Variants in RHOJ observed in about 807,000 individuals in gnomAD.
The protein encoded by RHOJ is ras homolog family member J.
A neutral mutation model predicts 23.4 loss-of-function variants in RHOJ; 11 were observed. That is an observed-to-expected ratio of 0.47 (90% CI 0.30 to 0.78). RHOJ has a LOEUF of 0.78. Ranked by LOEUF, RHOJ falls within the 30% of genes least tolerant of loss-of-function variation. RHOJ has a pLI of 0.08. For missense variants in RHOJ, 254 were observed against 273.4 expected (o/e 0.93, Z 0.50); for synonymous variants, 102 against 102.7 (o/e 0.99, Z 0.04).
intron 1 of RHOJ, among the ~76,000 whole-genome samples, chr14:63,216,264 G>A (rs1363460450): frequency 3.3e-5 from 5 of 152,106 alleles, no homozygotes; most frequent in African/African-American, 1.2e-4. Flanking sequence ...ATATCCTAGA[G>A]GCAAAGGGAA....
chr14:63,285,252 A>G (rs1036639448), intron 4 of RHOJ, among the ~76,000 whole-genome samples: 4 of 152,212 alleles, frequency 2.6e-5, no homozygotes, highest in Non-Finnish European at 5.9e-5. Context: ...TGAGGCTCAG[A>G]GAGGTTAAGA....
Position 63,204,954 on chromosome 14 carries a change from G to C in RHOJ, c.85G>C (p.Asp29His). Residue 29 changes from aspartate to histidine, a missense_variant, in exon 1 of 5, where the codon GAC becomes CAC. By Grantham distance (81) the Asp-to-His change is moderately conservative. Coordinates refer to ENST00000316754, the MANE Select transcript of RHOJ (RefSeq NM_020663.5). ...KKMLKCVVVG[D>H]GAVGKTCLLM... ...GATGTTGAAGTGTGTGGTGGTGGGG[G>C]ACGGTGCCGTGGGGAAAACCTGCCT... 1 of 1,614,238 alleles carries C rather than the reference G, an allele frequency of 6.2e-7. No homozygotes were observed. The highest frequency in any genetic ancestry group is 8.5e-7 in the Non-Finnish European group (1 of 1,180,044).
chr14:63,204,526 A>G lies in RHOJ; in HGVS notation c.-344A>G. On this transcript the variant is annotated 5_prime_UTR_variant, in exon 1 of 5. Transcript: ENST00000316754. ...GCAAAATTCCACCGTATCTTTTGCC[A>G]GGCTAGAGACAGGGAGAGCAGAGTA... The G allele has an allele frequency of 4.2e-6, 1 of 240,614 alleles. No homozygotes were observed. Among genetic ancestry groups the G allele is most frequent in the Non-Finnish European group, 8.0e-6 (1 of 124,696 alleles). The allele number at this position is 240,614 out of a possible 1,614,324, so 14.9% of individuals were successfully genotyped here. A position where few individuals can be genotyped will look rare whatever the true frequency, so the allele number is the denominator to read the frequency against.
chr14:63,261,490 C>T (rs751120307), intron 1 of RHOJ, among the ~76,000 whole-genome samples: 6 of 151,688 alleles, frequency 4.0e-5, no homozygotes, highest in Admixed American at 6.6e-5. Context: ...GAGTGAAGTG[C>T]CAAAAACATG....
chr14:63,204,910 G>T lies in RHOJ; in HGVS notation c.41G>T (p.Arg14Met), dbSNP rs777129968. The change falls in exon 1 of 5, where the codon AGG (arginine) becomes ATG (methionine). Residue 14 changes from arginine to methionine, a missense_variant. By Grantham distance (91) the Arg-to-Met change is moderately conservative (BLOSUM62 -1). Transcript: ENST00000316754. ...GGAACTGACAGCAGCTGCGGCTGCA[G>T]GGGCAACGACGAGAAGAAGATGTTG... ...KEGTDSSCGC[R>M]GNDEKKMLKC... 3.3e-5 allele frequency: 53 copies of T among 1,614,152 alleles called. No individual in the cohort carries two copies. The East Asian group carries it at 5.3e-4, about 16-fold the overall frequency.
intron 4 of RHOJ, among the ~76,000 whole-genome samples, chr14:63,287,110 C>T (rs1370364675): frequency 2.0e-5 from 3 of 152,188 alleles, no homozygotes; most frequent in Non-Finnish European, 2.9e-5. Flanking sequence ...ACATGCCTTC[C>T]TTCTTCTTCC....
intron 1 of RHOJ, among the ~76,000 whole-genome samples, chr14:63,245,031 C>T (rs576727555): frequency 6.6e-6 from 1 of 152,340 alleles, no homozygotes; most frequent in Admixed American, 6.5e-5. Context: ...GGCTTGCTGG[C>T]TATATGACCC....
At chr14:63,280,433 T>G (rs1410454383) in intron 2 of RHOJ, among the ~76,000 whole-genome samples, 1 of 152,128 alleles carries the variant, frequency 6.6e-6, no homozygotes, top group Non-Finnish European at 1.5e-5. Flanking sequence ...TGCAGTTAGC[T>G]AGGGTGAATA....
At chr14:63,229,141 T>C (rs1345042115) in intron 1 of RHOJ, among the ~76,000 whole-genome samples, 2 of 152,372 alleles carry the variant, frequency 1.3e-5, no homozygotes, top group East Asian at 3.9e-4. Flanking sequence ...AGTTGTTTCC[T>C]TTCAGAAGTA....
chr14:63,248,353 T>C (rs1895012402), intron 1 of RHOJ, among the ~76,000 whole-genome samples: 1 of 152,182 alleles, frequency 6.6e-6, no homozygotes, highest in African/African-American at 2.4e-5. Flanking sequence ...TTGACTTACA[T>C]GCCTTAAATC....
chr14:63,246,030 C>T (rs1894970498), intron 1 of RHOJ, among the ~76,000 whole-genome samples: 1 of 152,118 alleles, frequency 6.6e-6, no homozygotes, highest in Non-Finnish European at 1.5e-5. Flanking sequence ...GTTTCAAAGA[C>T]CCGGCTTAGG....
intron 1 of RHOJ, among the ~76,000 whole-genome samples, chr14:63,263,961 C>A (rs1037003583): frequency 2.0e-5 from 3 of 150,376 alleles, no homozygotes; most frequent in Non-Finnish European, 4.4e-5. Context: ...AGCTCAGACA[C>A]CCCCTCCTCC....
chr14:63,284,671 T>C (rs1007103800), intron 4 of RHOJ, among the ~76,000 whole-genome samples: 1 of 152,190 alleles, frequency 6.6e-6, no homozygotes, highest in Non-Finnish European at 1.5e-5. Context: ...CTCATTAAGA[T>C]ACCTAAATAT....
intron 1 of RHOJ, among the ~76,000 whole-genome samples, chr14:63,228,297 C>G (rs1894631080): frequency 6.6e-6 from 1 of 152,172 alleles, no homozygotes; most frequent in Admixed American, 6.5e-5. Flanking sequence ...GCAAATTTAT[C>G]AGAATTTCAA....
At chr14:63,275,905 A>ACC (rs113034803) in intron 2 of RHOJ, among the ~76,000 whole-genome samples, 233 of 151,652 alleles carry the variant, frequency 1.5e-3, no homozygotes, top group African/African-American at 5.1e-3. Context: ...ACTCCCCCCA[A>ACC]CCCCCAGTCC....
At chr14:63,232,695 T>A (rs535371974) in intron 1 of RHOJ, among the ~76,000 whole-genome samples, 2 of 106,506 alleles carry the variant, frequency 1.9e-5, no homozygotes, top group Admixed American at 1.7e-4. Context: ...TTTTCTTGCC[T>A]TTTTTTTTTT....
At chr14:63,223,317 T>C (rs1355044743) in intron 1 of RHOJ, among the ~76,000 whole-genome samples, 1 of 152,170 alleles carries the variant, frequency 6.6e-6, no homozygotes, top group African/African-American at 2.4e-5. Context: ...CCCCCACCCT[T>C]GACAGATGAC....
intron 1 of RHOJ, among the ~76,000 whole-genome samples, chr14:63,227,453 T>C (rs1195248319): frequency 2.0e-5 from 3 of 152,216 alleles, no homozygotes; most frequent in Non-Finnish European, 4.4e-5. Context: ...AAAGATCCAC[T>C]CTTCCCTATG....
At chr14:63,218,226 T>C (rs1038307282) in intron 1 of RHOJ, among the ~76,000 whole-genome samples, 2 of 152,204 alleles carry the variant, frequency 1.3e-5, no homozygotes, top group South Asian at 2.1e-4. Flanking sequence ...ACATGGCACC[T>C]AATTAGAAAT....
Sources: gnomAD v4.1 joint callset for allele counts (sites outside exome capture counted in the v4.1 genomes callset) on GRCh38, gnomAD v4.1.1 for gene constraint, MANE v1.5 for transcripts, NCBI Gene and HGNC (gene_info 2026-07-23, HGNC 2026-07-21) for gene names.